Variants in HDLBP observed in about 807,000 individuals in gnomAD.
HDLBP encodes high density lipoprotein binding protein.
In HDLBP, 30 loss-of-function variants were observed where a neutral mutation model predicts 137.3. That is an observed-to-expected ratio of 0.22 (90% CI 0.16 to 0.30). The LOEUF (loss-of-function observed/expected upper bound fraction) is 0.30. HDLBP is among the 10% of genes least tolerant of loss of function. The pLI, the probability that HDLBP is intolerant of heterozygous loss-of-function variation, is 1.00. For missense variants in HDLBP, 1,119 were observed against 1,667.3 expected (o/e 0.67, Z 5.73); for synonymous variants, 606 against 596.0 (o/e 1.02, Z -0.24).
At position 241,264,568 on chromosome 2, in the gene HDLBP, T is replaced by C; in HGVS notation, c.114A>G (p.Pro38=). The C allele has an allele frequency of 1.2e-6, 2 of 1,613,930 alleles. No individual in the cohort carries two copies. The highest frequency in any genetic ancestry group is 4.5e-5 in the East Asian group (2 of 44,874). ...TLNSEEESDP[P]TYKDAFPPLP... is the part of the protein sequence containing the mutation. ...GTGGAGGGAAGGCATCCTTGTAGGT[T>C]GGAGGGTCGCTCTCCTCTTCTGAAT... Residue 38 remains proline, a synonymous_variant, in exon 4 of 28, where the codon CCA becomes CCG. Coordinates refer to ENST00000310931, the MANE Select transcript of HDLBP (RefSeq NM_005336.6).
rs201378918 is a variant in HDLBP, at chr2:241,267,234, C to CA, written c.-37-329dup. Among the ~76,000 whole-genome samples the CA allele has an allele frequency of 4.6e-3, 702 of 151,032 alleles. 4 individuals are homozygous for CA. The highest frequency in any genetic ancestry group is 0.015 in the African/African-American group (600 of 41,170). On this transcript the variant is annotated intron_variant, in intron 2 of 27. Coordinates refer to ENST00000310931, the MANE Select transcript of HDLBP (RefSeq NM_005336.6). Reference sequence around the variant, plus strand: ...ACAAACAAAAACAAAACAAAACAAACAAAAAAAAACCTCATGTTTTAAGAA... The same window carrying CA: ...ACAAACAAAAACAAAACAAAACAAACAAAAAAAAAACCTCATGTTTTAAGAA...
chr2:241,257,285 T>C (rs2072714409), intron 5 of HDLBP, among the ~76,000 whole-genome samples: 1 of 152,138 alleles, frequency 6.6e-6, no homozygotes, highest in South Asian at 2.1e-4. Context: ...CAGGCTGGAG[T>C]GCAGTGGTGC....
chr2:241,231,915 C>G (rs1380077984), intron 24 of HDLBP, among the ~76,000 whole-genome samples: 1 of 151,740 alleles, frequency 6.6e-6, no homozygotes, highest in Admixed American at 6.6e-5. Flanking sequence ...CATCACGCAA[C>G]AGGACTAGAG....
chr2:241,245,967 C>T (rs989112617), intron 16 of HDLBP, among the ~76,000 whole-genome samples: 5 of 152,118 alleles, frequency 3.3e-5, no homozygotes, highest in African/African-American at 7.2e-5. Flanking sequence ...TTCTAAAAAA[C>T]TTCATGTTAA....
At chr2:241,258,335 A>G (rs1253601382) in intron 5 of HDLBP, among the ~76,000 whole-genome samples, 1 of 137,964 alleles carries the variant, frequency 7.2e-6, no homozygotes. Flanking sequence ...CGACAGAGCA[A>G]GACTCCGTCT....
At position 241,313,024 on chromosome 2, in the gene HDLBP, A is replaced by C. The variant is rs1180514373; in HGVS notation, c.-103+2546T>G. Among the ~76,000 whole-genome samples, 3 of 152,204 alleles carry C rather than the reference A, an allele frequency of 2.0e-5. No individual in the cohort carries two copies. In the East Asian group the frequency reaches 5.8e-4, roughly 29 times the overall value. On this transcript the variant is annotated intron_variant, in intron 1 of 27. Coordinates refer to ENST00000310931, the MANE Select transcript of HDLBP (RefSeq NM_005336.6). Reference sequence around the variant, plus strand: ...ACGTATGCCACCAACTATAAATGTCAGCCTCCTCTTTCCTAGTCTTCCTGT... The same window carrying C: ...ACGTATGCCACCAACTATAAATGTCCGCCTCCTCTTTCCTAGTCTTCCTGT...
intron 17 of HDLBP, among the ~76,000 whole-genome samples, chr2:241,241,142 GCT>G (rs2071171506): frequency 1.3e-5 from 2 of 152,160 alleles, no homozygotes; most frequent in South Asian, 4.2e-4. Context: ...GAAACGCAAG[GCT>G]GGTTAAACAC....
At chr2:241,275,352 TA>T (rs1178827598) in intron 1 of HDLBP, among the ~76,000 whole-genome samples, 1 of 150,166 alleles carries the variant, frequency 6.7e-6, no homozygotes, top group East Asian at 2.0e-4. Context: ...ATTGAGACAA[TA>T]AAAAAGCATA....
intron 16 of HDLBP, among the ~76,000 whole-genome samples, chr2:241,245,076 ACAGT>A (rs2071556219): frequency 6.6e-6 from 1 of 152,234 alleles, no homozygotes; most frequent in Non-Finnish European, 1.5e-5. Context: ...GAAAAAAATT[ACAGT>A]AAGTTATTTA....
In HDLBP at chr2:241,272,928, C is replaced by A. The variant is rs955422349; in HGVS notation, c.-102-4387G>T. On this transcript the variant is annotated intron_variant, in intron 1 of 27. Coordinates refer to ENST00000310931, the MANE Select transcript of HDLBP (RefSeq NM_005336.6). The surrounding 1 kb of genome is among the most constrained non-coding windows in gnomAD (Gnocchi z 5.6). ...GCCCGCCCCGCCGCTGGGGTCCCCG[C>A]CGCCCCGGGCCGCCCAGCACCCGGG... is the stretch of plus-strand genomic sequence containing the variant. The A allele has an allele frequency of 1.3e-6, 1 of 790,830 alleles. No individual in the cohort carries two copies. Among genetic ancestry groups the A allele is most frequent in the Non-Finnish European group, 1.5e-6 (1 of 652,252 alleles). 49.0% of individuals were successfully genotyped at this position (790,830 alleles called of 1,614,324 possible).
intron 4 of HDLBP, 67 bp downstream of exon 4, chr2:241,264,381 A>C (rs1301772484): frequency 1.5e-6 from 2 of 1,295,644 alleles, no homozygotes; most frequent in African/African-American, 3.0e-5. Context: ...AAAAAGAAAA[A>C]AAATTTAAAA....
At position 241,239,510 on chromosome 2, in the gene HDLBP, C is replaced by T; in HGVS notation, c.2610+92G>A. On this transcript the variant is annotated intron_variant, in intron 19 of 27. Transcript: ENST00000310931. The surrounding 1 kb of genome is among the most constrained non-coding windows in gnomAD (Gnocchi z 4.6). The stretch of plus-strand genomic sequence containing the variant: ...CTTCCAGGGCTGTATGAGGGAGTCA[C>T]CTCCCTACAGGGTGGAGCGAACACT... 2 of 1,029,994 alleles carry T rather than the reference C, an allele frequency of 1.9e-6. No homozygotes were observed. Among genetic ancestry groups the T allele is most frequent in the Non-Finnish European group, 3.0e-6 (2 of 674,308 alleles). 63.8% of individuals were successfully genotyped at this position (1,029,994 alleles called of 1,614,324 possible).
intron 1 of HDLBP, among the ~76,000 whole-genome samples, chr2:241,278,776 G>T (rs1432330123): frequency 6.6e-6 from 1 of 152,110 alleles, no homozygotes; most frequent in Non-Finnish European, 1.5e-5. Flanking sequence ...CACACTATTA[G>T]AACTAATTAA....
chr2:241,305,188 A>G (rs1045379639), intron 1 of HDLBP, among the ~76,000 whole-genome samples: 1 of 152,154 alleles, frequency 6.6e-6, no homozygotes, highest in Non-Finnish European at 1.5e-5. Context: ...CAGTGGCGCG[A>G]TCTTGGCTCA....
rs2074153848 is a variant in HDLBP at position 241,272,441 on chromosome 2, G to T, written c.-102-3900C>A. On this transcript the variant is annotated intron_variant, in intron 1 of 27. Transcript: ENST00000310931. The surrounding 1 kb of genome is among the most constrained non-coding windows in gnomAD (Gnocchi z 5.6). ...CCACCGAAGCCCCGGGAGGAGGCGG[G>T]GGAGCCCAGCTTGCAGCCAAGAGCG... The T allele has an allele frequency of 1.0e-6, 1 of 984,546 alleles. No homozygotes were observed. Among genetic ancestry groups the T allele is most frequent in the South Asian group, 4.7e-5 (1 of 21,274 alleles). The allele number at this position is 984,546 out of a possible 1,614,324, so 61.0% of individuals were successfully genotyped here. A position where few individuals can be genotyped will look rare whatever the true frequency, so the allele number is the denominator to read the frequency against.
chr2:241,230,881 G>A lies in HDLBP; in HGVS notation c.3352C>T (p.Leu1118=), dbSNP rs1365608032. The part of the protein sequence containing the change: ...KNTEAARDAI[L]RIVGELEQMV... ...TGCTCAAGTTCACCCACAATTCTCAGTATAGCATCCCTGGCAGCTTCTGTG... is the reference window on the plus strand; with the variant it reads ...TGCTCAAGTTCACCCACAATTCTCAATATAGCATCCCTGGCAGCTTCTGTG... The change falls in exon 25 of 28, where the codon CTG becomes TTG. Residue 1118 remains leucine, a synonymous_variant. Transcript: ENST00000310931. This position sits in a 1 kb window ranked among gnomAD's most constrained non-coding sequence, Gnocchi z 5.0. The A allele has an allele frequency of 6.2e-7, 1 of 1,614,164 alleles. No individual in the cohort carries two copies. Among genetic ancestry groups the A allele is most frequent in the Non-Finnish European group, 8.5e-7 (1 of 1,179,966 alleles).
At chr2:241,252,871 C>T (rs1235423758) in intron 11 of HDLBP, 86 bp downstream of exon 11, 3 of 867,670 alleles carry the variant, frequency 3.5e-6, no homozygotes, top group Non-Finnish European at 5.8e-6. Flanking sequence ...GGACTGTCTG[C>T]ACGGACGTCA....
At chr2:241,277,311 AAAAG>A (rs2074426131) in intron 1 of HDLBP, among the ~76,000 whole-genome samples, 1 of 152,156 alleles carries the variant, frequency 6.6e-6, no homozygotes, top group Admixed American at 6.5e-5. Context: ...CAGAATAAAC[AAAAG>A]AAAGGTAGAA....
intron 1 of HDLBP, among the ~76,000 whole-genome samples, chr2:241,278,362 T>C (rs1474736344): frequency 1.3e-5 from 2 of 152,162 alleles, no homozygotes; most frequent in Admixed American, 6.5e-5. Context: ...GGCAGGCAGA[T>C]ACCTGAGGTC....
Sources: gnomAD v4.1 joint callset for allele counts (sites outside exome capture counted in the v4.1 genomes callset) on GRCh38, gnomAD v4.1.1 for gene constraint, Gnocchi (gnomAD v3.1) non-coding constraint, MANE v1.5 for transcripts, NCBI Gene and HGNC (gene_info 2026-07-23, HGNC 2026-07-21) for gene names.